LGR4: variants seen among roughly 807,000 people sequenced by gnomAD.
The protein encoded by LGR4 is leucine-rich repeat-containing G protein-coupled receptor 4.
In LGR4, 44 loss-of-function variants were observed where a neutral mutation model predicts 84.8. The ratio of observed to expected loss-of-function variants is 0.52; its 90% CI spans 0.41 to 0.67. The LOEUF (loss-of-function observed/expected upper bound fraction) is 0.67. LGR4 is among the 30% of genes least tolerant of loss of function. LGR4 has a pLI of 0.00. For missense variants in LGR4, 1,032 were observed against 1,131.4 expected (o/e 0.91, Z 1.26); for synonymous variants, 429 against 434.3 (o/e 0.99, Z 0.15).
intron 9 of LGR4, 94 bp downstream of exon 9, chr11:27,380,546 G>T: frequency 1.0e-6 from 1 of 955,488 alleles, no homozygotes; most frequent in South Asian, 1.7e-5. Flanking sequence ...AAATTTTAAA[G>T]ATTTTGTTTT....
At chr11:27,375,736 G>A (rs1862965470) in intron 13 of LGR4, among the ~76,000 whole-genome samples, 2 of 152,100 alleles carry the variant, frequency 1.3e-5, no homozygotes, top group South Asian at 2.1e-4. Flanking sequence ...CCCATGGGCT[G>A]TAGTCTGCCT....
Position 27,369,073 on chromosome 11 carries a change from C to T in LGR4, c.1650G>A (p.Leu550=), listed in dbSNP as rs1015047925. Residue 550 remains leucine, a synonymous_variant, in exon 18 of 18, where the codon TTG becomes TTA. Coordinates refer to ENST00000379214, the MANE Select transcript of LGR4 (RefSeq NM_018490.5). ...MIRLTVWFIF[L]VALFFNLLVI... is the part of the protein sequence containing the mutation. ...CAAGCAGGTTGAAAAATAATGCAACCAAGAAAATGAACCACACAGTAAGAC... is the reference window on the plus strand; with the variant it reads ...CAAGCAGGTTGAAAAATAATGCAACTAAGAAAATGAACCACACAGTAAGAC... The T allele has an allele frequency of 8.1e-6, 13 of 1,613,400 alleles. No homozygotes were observed. The highest frequency in any genetic ancestry group is 4.4e-5 in the South Asian group (4 of 91,004).
intron 17 of LGR4, among the ~76,000 whole-genome samples, chr11:27,369,446 A>T (rs1023653102): frequency 1.3e-5 from 2 of 152,202 alleles, no homozygotes; most frequent in African/African-American, 4.8e-5. Flanking sequence ...CATCTAAGCT[A>T]ATTTACATAG....
At position 27,392,524 on chromosome 11, in the gene LGR4, G is replaced by GA. The variant is rs753491752; in HGVS notation, c.258-7dup. 236,949 of 1,132,304 alleles carry GA rather than the reference G, an allele frequency of 0.21. 1 individual carries two copies. The highest frequency in any genetic ancestry group is 0.23 in the South Asian group (12,768 of 56,244). 70.1% of individuals were successfully genotyped at this position (1,132,304 alleles called of 1,614,324 possible). A position where few individuals can be genotyped will look rare whatever the true frequency, so the allele number is the denominator to read the frequency against. On this transcript the variant is annotated splice_region_variant and splice_polypyrimidine_tract_variant and intron_variant, in intron 2 of 17. Coordinates refer to ENST00000379214, the MANE Select transcript of LGR4 (RefSeq NM_018490.5). Reference sequence around the variant, plus strand: ...GGTCGTTGCCCGCCAATTGTCTAGAGAAAAAAAAAAAAAAAGTAGCAAGAA... The same window carrying GA: ...GGTCGTTGCCCGCCAATTGTCTAGAGAAAAAAAAAAAAAAAAGTAGCAAGAA...
chr11:27,428,975 G>C (rs1257114212), intron 1 of LGR4, among the ~76,000 whole-genome samples: 2 of 152,168 alleles, frequency 1.3e-5, no homozygotes, highest in Non-Finnish European at 2.9e-5. Context: ...GGAGGAAAAA[G>C]TGTGTTGGAT....
At chr11:27,377,959 G>A (rs181328623) in intron 11 of LGR4, among the ~76,000 whole-genome samples, 2 of 152,048 alleles carry the variant, frequency 1.3e-5, no homozygotes, top group Non-Finnish European at 2.9e-5. Flanking sequence ...TGTTACAACT[G>A]CCTACAGTAT....
In LGR4 at chr11:27,472,207, GGGCGCCGCGCAGAGAGGC is replaced by G. The variant is rs1158314047; in HGVS notation, c.78_95del (p.Pro27_Pro32del). On this transcript the variant is annotated inframe_deletion, in exon 1 of 18. Transcript: ENST00000379214. ...CCCGACGGTCGCCGTCGCAGCTGCA[GGGCGCCGCGCAGAGAGGC>G]GGCGCCGCGCCGCTGGGCCCGGCCG... is the stretch of plus-strand genomic sequence containing the variant. The G allele has an allele frequency of 5.0e-6, 7 of 1,399,484 alleles. No homozygotes were observed. The highest frequency in any genetic ancestry group is 5.6e-6 in the Non-Finnish European group (6 of 1,076,846). The allele number at this position is 1,399,484 out of a possible 1,614,324, so 86.7% of individuals were successfully genotyped here.
At chr11:27,432,067 C>A (rs776979814) in intron 1 of LGR4, among the ~76,000 whole-genome samples, 1 of 152,146 alleles carries the variant, frequency 6.6e-6, no homozygotes, top group African/African-American at 2.4e-5. Flanking sequence ...AAATTCTTGG[C>A]CCTGGTGGTT....
intron 4 of LGR4, among the ~76,000 whole-genome samples, chr11:27,389,779 A>C (rs1288764581): frequency 6.6e-6 from 1 of 152,148 alleles, no homozygotes; most frequent in Non-Finnish European, 1.5e-5. Context: ...GTGTATATCC[A>C]CCCGAGGTGA....
chr11:27,394,633 C>T (rs1051583057), intron 2 of LGR4, among the ~76,000 whole-genome samples: 2 of 152,074 alleles, frequency 1.3e-5, no homozygotes, highest in East Asian at 3.9e-4. Context: ...GAATTCCTGA[C>T]CTCAAATGAT....
rs747303264 is a variant in LGR4 at position 27,385,279 on chromosome 11, A to G, written c.591T>C (p.Phe197=). The G allele has an allele frequency of 6.3e-7, 1 of 1,587,744 alleles. No individual in the cohort carries two copies. The part of the protein sequence containing the change: ...NKISSIPDFA[F]TNLSSLVVLH... ...GAACTACCAGGCTTGAAAGGTTGGTAAATGCAAAGTCAGGGATGCTTGAGA... is the reference window on the plus strand; with the variant it reads ...GAACTACCAGGCTTGAAAGGTTGGTGAATGCAAAGTCAGGGATGCTTGAGA... Residue 197 remains phenylalanine (F), a synonymous_variant, in exon 5 of 18, where the codon TTT becomes TTC. Coordinates refer to ENST00000379214, the MANE Select transcript of LGR4 (RefSeq NM_018490.5).
At chr11:27,446,389 C>A (rs1330169118) in intron 1 of LGR4, among the ~76,000 whole-genome samples, 3 of 152,208 alleles carry the variant, frequency 2.0e-5, no homozygotes, top group African/African-American at 4.8e-5. Context: ...TGAACAGACA[C>A]TTCTCAAAAG....
intron 1 of LGR4, among the ~76,000 whole-genome samples, chr11:27,446,650 A>G (rs1167931284): frequency 6.6e-6 from 1 of 152,262 alleles, no homozygotes; most frequent in Non-Finnish European, 1.5e-5. Flanking sequence ...ATCTAGAACT[A>G]GAAATACCAT....
intron 1 of LGR4, among the ~76,000 whole-genome samples, chr11:27,426,996 C>T (rs958432677): frequency 6.6e-6 from 1 of 152,100 alleles, no homozygotes; most frequent in Non-Finnish European, 1.5e-5. Flanking sequence ...AAGTAATGAC[C>T]TAATGTTACA....
chr11:27,450,986 TC>T (rs1434903114), intron 1 of LGR4, among the ~76,000 whole-genome samples: 1 of 152,276 alleles, frequency 6.6e-6, no homozygotes, highest in East Asian at 1.9e-4. Context: ...ATATACTACT[TC>T]CAGGATTACT....
chr11:27,461,762 GGAAA>G (rs1432112925), intron 1 of LGR4, among the ~76,000 whole-genome samples: 2 of 151,128 alleles, frequency 1.3e-5, no homozygotes, highest in Non-Finnish European at 2.9e-5. Context: ...ATGTCCACAT[GGAAA>G]GAAAGAAAGT....
chr11:27,371,733 C>A, intron 16 of LGR4, 35 bp from the exon 17 acceptor site: 1 of 1,462,674 alleles, frequency 6.8e-7, no homozygotes, highest in Non-Finnish European at 9.5e-7. Context: ...TTAATTAAAA[C>A]CTTATGCAAC....
rs1862904266 is a variant in LGR4, at chr11:27,372,416, A to G, written c.1380-18T>C. 2.1e-6 allele frequency: 3 copies of G among 1,409,332 alleles called. No individual in the cohort carries two copies. Among genetic ancestry groups the G allele is most frequent in the Non-Finnish European group, 3.0e-6 (3 of 994,162 alleles). 87.3% of individuals were successfully genotyped at this position (1,409,332 alleles called of 1,614,324 possible). On this transcript the variant is annotated intron_variant, in intron 15 of 17. Coordinates refer to ENST00000379214, the MANE Select transcript of LGR4 (RefSeq NM_018490.5). The stretch of plus-strand genomic sequence containing the variant: ...ATAAAGACCTGGAAAAAAAAGTTGT[A>G]AAATCTACACTGAACAGCAACTCCG...
chr11:27,380,785 T>G (rs1210919209), intron 8 of LGR4, 74 bp from the exon 9 acceptor site: 67 of 1,219,204 alleles, frequency 5.5e-5, no homozygotes, highest in Non-Finnish European at 7.6e-5. Flanking sequence ...ATGTTCACAA[T>G]GTACATATAT....
Sources: allele counts gnomAD v4.1 joint callset (sites outside exome capture counted in the v4.1 genomes callset), GRCh38; gene constraint gnomAD v4.1.1; transcripts MANE v1.5; gene names NCBI Gene and HGNC (gene_info 2026-07-23, HGNC 2026-07-21).